RBFOX1: variants seen among roughly 807,000 people sequenced by gnomAD.
RBFOX1 encodes RNA binding fox-1 homolog 1.
Under a neutral mutation model 57.7 loss-of-function variants are expected in RBFOX1, and 8 were observed. The ratio of observed to expected loss-of-function variants is 0.14; its 90% CI spans 0.08 to 0.25. The LOEUF is 0.25. Among genes scored for constraint, RBFOX1 ranks in the 10% least tolerant of loss-of-function variants. The probability of loss-of-function intolerance (pLI) is 1.00; values close to 1 mark genes in which losing one functional copy is unlikely to be tolerated. For missense variants in RBFOX1, 611 were observed against 548.5 expected (o/e 1.11, Z -1.14); for synonymous variants, 326 against 222.4 (o/e 1.47, Z -4.15).
chr16:5,763,049 C>T (rs749990947), intron 3 of RBFOX1, among the ~76,000 whole-genome samples: 1 of 152,012 alleles, frequency 6.6e-6, no homozygotes, highest in African/African-American at 2.4e-5. Flanking sequence ...TAAAGAAAAA[C>T]TTAATGTTAA....
chr16:6,542,816 C>T (rs1200710766), intron 2 of RBFOX1, among the ~76,000 whole-genome samples: 2 of 151,978 alleles, frequency 1.3e-5, no homozygotes, highest in Non-Finnish European at 2.9e-5. Flanking sequence ...AAGACGCTGG[C>T]TCTGCCTTCC....
intron 3 of RBFOX1, among the ~76,000 whole-genome samples, chr16:5,733,161 T>C (rs944360234): frequency 5.9e-5 from 9 of 152,232 alleles, no homozygotes; most frequent in Non-Finnish European, 1.0e-4. Flanking sequence ...TATACTGTTG[T>C]AGTTGCTGAG....
intron 3 of RBFOX1, among the ~76,000 whole-genome samples, chr16:6,860,827 GT>G (rs1567601549): frequency 1.3e-5 from 2 of 152,128 alleles, no homozygotes; most frequent in Non-Finnish European, 2.9e-5. Flanking sequence ...TTTATGTACA[GT>G]TTTTGGACAC....
At chr16:6,502,117 C>T (rs150519970) in intron 2 of RBFOX1, among the ~76,000 whole-genome samples, 1 of 152,040 alleles carries the variant, frequency 6.6e-6, no homozygotes, top group African/African-American at 2.4e-5. Context: ...CAACTGGAAC[C>T]AAAAAATTCC....
At chr16:6,182,450 C>G (rs941139904) in intron 1 of RBFOX1, among the ~76,000 whole-genome samples, 4 of 152,128 alleles carry the variant, frequency 2.6e-5, no homozygotes, top group African/African-American at 9.7e-5. Context: ...TTTATATAAT[C>G]AAACAGCTAA....
chr16:6,252,941 G>C (rs1325992005), intron 1 of RBFOX1, among the ~76,000 whole-genome samples: 2 of 152,132 alleles, frequency 1.3e-5, no homozygotes, highest in Non-Finnish European at 2.9e-5. Flanking sequence ...CCATGTGACA[G>C]GTAATATGCT....
intron 2 of RBFOX1, among the ~76,000 whole-genome samples, chr16:6,357,867 C>G (rs1354903427): frequency 2.0e-5 from 3 of 151,188 alleles, no homozygotes; most frequent in Admixed American, 6.6e-5. Flanking sequence ...AGGAGAATTG[C>G]TTGAACCCTG....
chr16:7,455,793 A>AAAAAAAAAG (rs1307473748), intron 4 of RBFOX1, among the ~76,000 whole-genome samples: 1 of 150,834 alleles, frequency 6.6e-6, no homozygotes, highest in Admixed American at 6.6e-5. Flanking sequence ...CTCAAAAAAA[A>AAAAAAAAAG]AAAAAAAAGA....
chr16:5,962,247 A>G (rs899548104), intron 4 of RBFOX1, among the ~76,000 whole-genome samples: 3 of 152,172 alleles, frequency 2.0e-5, no homozygotes, highest in African/African-American at 7.2e-5. Context: ...TCCACTTCTC[A>G]TCAAGCCTGA....
chr16:6,268,323 A>T (rs372427991), intron 1 of RBFOX1, among the ~76,000 whole-genome samples: 5 of 152,138 alleles, frequency 3.3e-5, no homozygotes, highest in African/African-American at 9.7e-5. Flanking sequence ...TCCCGTGATG[A>T]CCTCTGCTCC....
chr16:7,607,663 C>T (rs972519390), intron 10 of RBFOX1, among the ~76,000 whole-genome samples: 1 of 152,122 alleles, frequency 6.6e-6, no homozygotes, highest in African/African-American at 2.4e-5. Flanking sequence ...CATTGTATTT[C>T]AATGTGCCTG....
intron 4 of RBFOX1, among the ~76,000 whole-genome samples, chr16:7,062,539 T>G (rs1005620138): frequency 6.6e-6 from 1 of 152,124 alleles, no homozygotes; most frequent in African/African-American, 2.4e-5. Flanking sequence ...GCTAGTACTT[T>G]ATTATTCTAT....
chr16:7,197,713 G>C (rs1327581215), intron 4 of RBFOX1, among the ~76,000 whole-genome samples: 1 of 152,152 alleles, frequency 6.6e-6, no homozygotes, highest in Non-Finnish European at 1.5e-5. Flanking sequence ...ACTAAATGTG[G>C]TATATCCCTG....
chr16:6,720,289 C>A (rs1201087427), intron 3 of RBFOX1, among the ~76,000 whole-genome samples: 1 of 151,996 alleles, frequency 6.6e-6, no homozygotes, highest in Admixed American at 6.6e-5. Flanking sequence ...CTCTTTTTCT[C>A]CTGTTTCTGC....
intron 2 of RBFOX1, among the ~76,000 whole-genome samples, chr16:6,534,560 G>GA (rs1222129650): frequency 6.6e-6 from 1 of 152,160 alleles, no homozygotes; most frequent in African/African-American, 2.4e-5. Flanking sequence ...AGGTGATACA[G>GA]GAGCATTAAT....
At chr16:6,879,122 C>A (rs756329676) in intron 3 of RBFOX1, among the ~76,000 whole-genome samples, 2 of 152,130 alleles carry the variant, frequency 1.3e-5, no homozygotes, top group African/African-American at 2.4e-5. Context: ...ACAGTTTGAC[C>A]TTCATTTCAG....
intron 4 of RBFOX1, among the ~76,000 whole-genome samples, chr16:7,473,552 T>G (rs1251851787): frequency 6.6e-6 from 1 of 150,606 alleles, no homozygotes; most frequent in African/African-American, 2.4e-5. Flanking sequence ...ACTATAGTAG[T>G]ATTTAGCGAA....
At chr16:5,652,542 T>A (rs537624644) in intron 3 of RBFOX1, among the ~76,000 whole-genome samples, 1 of 152,294 alleles carries the variant, frequency 6.6e-6, no homozygotes, top group South Asian at 2.1e-4. Flanking sequence ...TAGGGTCACC[T>A]TTTTGTGCTT....
intron 3 of RBFOX1, among the ~76,000 whole-genome samples, chr16:6,679,034 G>T (rs142566945): frequency 6.6e-6 from 1 of 152,062 alleles, no homozygotes; most frequent in Admixed American, 6.6e-5. Context: ...TCTGCGTGTT[G>T]CTATTATATC....
Sources: gnomAD v4.1 joint callset for allele counts (sites outside exome capture counted in the v4.1 genomes callset) on GRCh38, gnomAD v4.1.1 for gene constraint, MANE v1.5 for transcripts, NCBI Gene and HGNC (gene_info 2026-07-23, HGNC 2026-07-21) for gene names.